Variants in KDM4C observed in about 807,000 individuals in gnomAD.
KDM4C encodes the protein lysine-specific demethylase 4C.
In KDM4C, 81 loss-of-function variants were observed where a neutral mutation model predicts 129.3. The ratio of observed to expected loss-of-function variants is 0.63; its 90% confidence interval spans 0.52 to 0.75. KDM4C has a LOEUF of 0.75. KDM4C is among the 30% of genes least tolerant of loss of function. KDM4C has a pLI of 0.00. For missense variants in KDM4C, 1,457 were observed against 1,304.0 expected (o/e 1.12, Z -1.81); for synonymous variants, 573 against 456.1 (o/e 1.26, Z -3.26).
chr9:7,150,427 T>G (rs1258935626), intron 19 of KDM4C, among the ~76,000 whole-genome samples: 5 of 152,200 alleles, frequency 3.3e-5, no homozygotes, highest in Non-Finnish European at 7.3e-5. Flanking sequence ...TTTGCCTAAC[T>G]ACCTACAGTC....
chr9:6,851,295 G>C (rs1469332139), intron 5 of KDM4C, among the ~76,000 whole-genome samples: 1 of 152,124 alleles, frequency 6.6e-6, no homozygotes, highest in Admixed American at 6.6e-5. Context: ...TGTTATTTGT[G>C]GGCCTGGTTT....
At chr9:6,936,255 T>G (rs1190195092) in intron 8 of KDM4C, among the ~76,000 whole-genome samples, 1 of 152,190 alleles carries the variant, frequency 6.6e-6, no homozygotes, top group East Asian at 1.9e-4. Context: ...ACTAAATGAG[T>G]GATTTTACAT....
At chr9:6,787,894 C>T (rs915244765) in intron 1 of KDM4C, among the ~76,000 whole-genome samples, 1 of 152,162 alleles carries the variant, frequency 6.6e-6, no homozygotes, top group Non-Finnish European at 1.5e-5. Flanking sequence ...GGGGGAGGAA[C>T]CCCAGGATCA....
At chr9:6,826,243 G>T (rs2131271120) in intron 4 of KDM4C, among the ~76,000 whole-genome samples, 1 of 147,404 alleles carries the variant, frequency 6.8e-6, no homozygotes, top group African/African-American at 2.5e-5. Context: ...TTTCCATTTT[G>T]TTTTTAGTTT....
chr9:6,783,067 G>C (rs1255536848), intron 1 of KDM4C, among the ~76,000 whole-genome samples: 5 of 152,174 alleles, frequency 3.3e-5, no homozygotes, highest in Non-Finnish European at 5.9e-5. Flanking sequence ...GATGGGCTTG[G>C]TGTGTAGGAG....
chr9:6,892,983 T>C, intron 7 of KDM4C, 112 bp from the exon 8 acceptor site: 3 of 775,762 alleles, frequency 3.9e-6, no homozygotes, highest in Admixed American at 3.6e-5. Flanking sequence ...TTGGTAGTGC[T>C]CTGATATCAA....
chr9:6,829,815 A>G lies in KDM4C; in HGVS notation c.435+15070A>G, dbSNP rs188774435. Among the ~76,000 whole-genome samples, 4 of 152,358 alleles carry G rather than the reference A, an allele frequency of 2.6e-5. No individual in the cohort carries two copies. In the South Asian group the frequency reaches 6.2e-4, roughly 24 times the overall value. ...TTACAGAAGGGCTTTGATAAGGTAT[A>G]TCTATTGGAAGCCCAGTTCCTGCTT... On this transcript the variant is annotated intron_variant, in intron 4 of 21. Transcript: ENST00000381309.
chr9:6,867,562 ACTT>A (rs1337714091), intron 5 of KDM4C, among the ~76,000 whole-genome samples: 2 of 152,174 alleles, frequency 1.3e-5, no homozygotes, highest in Non-Finnish European at 2.9e-5. Context: ...TTTATCGTCA[ACTT>A]CTTGTGTTCT....
chr9:6,835,202 G>A, intron 4 of KDM4C: 1 of 916,674 alleles, frequency 1.1e-6, no homozygotes, highest in Non-Finnish European at 1.8e-6. Flanking sequence ...ATCACCATCG[G>A]CAACGAGCAG....
At chr9:6,843,750 T>G (rs1837385853) in intron 4 of KDM4C, among the ~76,000 whole-genome samples, 1 of 152,228 alleles carries the variant, frequency 6.6e-6, no homozygotes, top group African/African-American at 2.4e-5. Context: ...CTTCATTCCA[T>G]TTTACTGTTT....
In KDM4C at chr9:6,920,316, T is replaced by C. The variant is rs183563757; in HGVS notation, c.921+27084T>C. Among the ~76,000 whole-genome samples the C allele has an allele frequency of 2.4e-3, 372 of 152,066 alleles. 5 individuals carry two copies. The highest frequency in any genetic ancestry group is 8.8e-3 in the African/African-American group (364 of 41,472). On this transcript the variant is annotated intron_variant, in intron 8 of 21. Transcript: ENST00000381309. ...AAGAAAATAAAAAAACAGTCTTAGGTTTTATAATAGTGATGTTATCTGTAG... is the reference window on the plus strand; with the variant it reads ...AAGAAAATAAAAAAACAGTCTTAGGCTTTATAATAGTGATGTTATCTGTAG...
At chr9:7,111,411 C>T (rs1838302239) in intron 18 of KDM4C, among the ~76,000 whole-genome samples, 1 of 152,132 alleles carries the variant, frequency 6.6e-6, no homozygotes, top group Non-Finnish European at 1.5e-5. Context: ...TGAAATAATT[C>T]TGCTCCCAAG....
chr9:7,072,179 C>G (rs544532281), intron 17 of KDM4C, among the ~76,000 whole-genome samples: 3 of 152,136 alleles, frequency 2.0e-5, no homozygotes, highest in Non-Finnish European at 4.4e-5. Flanking sequence ...CGTTTAGCAA[C>G]TGGAATGCTT....
chr9:6,935,307 T>C (rs1415325878), intron 8 of KDM4C, among the ~76,000 whole-genome samples: 2 of 151,986 alleles, frequency 1.3e-5, no homozygotes, highest in African/African-American at 4.8e-5. Context: ...ATATTATTTT[T>C]AATCCCTACT....
rs568723761 is a variant in KDM4C, at chr9:7,068,379, A to G, written c.2424+19179A>G. Among the ~76,000 whole-genome samples, 13 of 152,314 alleles carry G rather than the reference A, an allele frequency of 8.5e-5. No homozygotes were observed. The South Asian group carries it at 2.5e-3, about 29-fold the overall frequency. ...AGGCTGCATTTCAAAGCTTTTATGT[A>G]TACAATTTGATCACCTCAATTTTAC... On this transcript the variant is annotated intron_variant, in intron 17 of 21. Coordinates refer to ENST00000381309, the MANE Select transcript of KDM4C (RefSeq NM_015061.6).
At chr9:6,872,324 G>GAAGATGAGAA (rs1842917120) in intron 5 of KDM4C, among the ~76,000 whole-genome samples, 1 of 152,200 alleles carries the variant, frequency 6.6e-6, no homozygotes, top group South Asian at 2.1e-4. Context: ...TATTGGCGGA[G>GAAGATGAGAA]AAGATGAGAA....
intron 15 of KDM4C, among the ~76,000 whole-genome samples, chr9:7,028,836 A>G (rs558750186): frequency 1.3e-5 from 2 of 152,092 alleles, no homozygotes; most frequent in Non-Finnish European, 2.9e-5. Flanking sequence ...TTTCTCTTGT[A>G]ACTGGGCAGC....
chr9:7,164,502 C>T (rs1556099), intron 19 of KDM4C, among the ~76,000 whole-genome samples: 1 of 151,884 alleles, frequency 6.6e-6, no homozygotes, highest in Non-Finnish European at 1.5e-5. Context: ...AAGGTGGGCT[C>T]GTCAATTAAC....
Position 6,848,248 on chromosome 9 carries a change from C to T in KDM4C, c.436-1259C>T, listed in dbSNP as rs1838204506. Among the ~76,000 whole-genome samples the T allele has an allele frequency of 2.0e-5, 3 of 152,160 alleles. No homozygotes were observed. In the South Asian group the frequency reaches 6.2e-4, roughly 32 times the overall value. On this transcript the variant is annotated intron_variant, in intron 4 of 21. Coordinates refer to ENST00000381309, the MANE Select transcript of KDM4C (RefSeq NM_015061.6). ...GAAAAGGTTGGAATGGCTTTAAAGG[C>T]ATTTCAGTTTCCCCATGATTACACA... is the stretch of plus-strand genomic sequence containing the variant.
Sources: allele counts gnomAD v4.1 joint callset (sites outside exome capture counted in the v4.1 genomes callset), GRCh38; gene constraint gnomAD v4.1.1; transcripts MANE v1.5; gene names NCBI Gene and HGNC (gene_info 2026-07-23, HGNC 2026-07-21).